Variants in IMMP2L observed in about 807,000 individuals in gnomAD.
IMMP2L encodes inner mitochondrial membrane peptidase subunit 2, also known as mitochondrial inner membrane protease subunit 2.
IMMP2L carries 18 observed loss-of-function variants against 19.3 expected under a neutral mutation model. The ratio of observed to expected loss-of-function variants is 0.93; its 90% CI spans 0.64 to 1.38. IMMP2L has a LOEUF of 1.38. IMMP2L is among the 40% of genes most tolerant of loss of function. IMMP2L has a pLI of 0.00. For missense variants in IMMP2L, 233 were observed against 218.2 expected (o/e 1.07, Z -0.43); for synonymous variants, 76 against 73.0 (o/e 1.04, Z -0.21).
chr7:111,259,938 C>T (rs932506242), intron 3 of IMMP2L, among the ~76,000 whole-genome samples: 1 of 152,040 alleles, frequency 6.6e-6, no homozygotes, highest in Non-Finnish European at 1.5e-5. Context: ...CTGTCTTCTA[C>T]CTCCACATCT....
At chr7:111,055,323 G>A (rs1203412618) in intron 3 of IMMP2L, among the ~76,000 whole-genome samples, 9 of 152,112 alleles carry the variant, frequency 5.9e-5, no homozygotes, top group East Asian at 1.9e-4. Flanking sequence ...GATTATAGGC[G>A]TGAGCCACCA....
At chr7:111,441,720 TAAAA>T (rs11312650) in intron 3 of IMMP2L, among the ~76,000 whole-genome samples, 1 of 138,276 alleles carries the variant, frequency 7.2e-6, no homozygotes. Context: ...TTCAACTTGT[TAAAA>T]AAAAAAAAAA....
At chr7:111,385,881 G>C (rs6956330) in intron 3 of IMMP2L, among the ~76,000 whole-genome samples, 7,307 of 151,984 alleles carry the variant, frequency 0.048, 260 homozygotes, top group South Asian at 0.083. Context: ...CAGTAAGGCG[G>C]GGTGAAGGAA....
At chr7:111,546,689 T>A (rs751501718) in intron 1 of IMMP2L, among the ~76,000 whole-genome samples, 71 of 152,154 alleles carry the variant, frequency 4.7e-4, no homozygotes, top group Non-Finnish European at 9.3e-4. Flanking sequence ...CAAAGGTCAA[T>A]TCAAGTTGAT....
intron 2 of IMMP2L, among the ~76,000 whole-genome samples, chr7:111,496,339 T>A (rs1843589875): frequency 6.6e-6 from 1 of 152,172 alleles, no homozygotes; most frequent in African/African-American, 2.4e-5. Context: ...TCCTTTTATA[T>A]CATGGGTACT....
At chr7:111,408,614 T>G (rs76467183) in intron 3 of IMMP2L, among the ~76,000 whole-genome samples, 2,435 of 151,866 alleles carry the variant, frequency 0.016, 106 homozygotes, top group African/African-American at 0.054. Flanking sequence ...CTTTTTCATA[T>G]GAAAGTTCAG....
chr7:110,792,247 T>C (rs1800508524), intron 5 of IMMP2L, among the ~76,000 whole-genome samples: 1 of 151,682 alleles, frequency 6.6e-6, no homozygotes, highest in African/African-American at 2.4e-5. Context: ...TTTTCTTACA[T>C]GAAAAGGGAT....
At position 110,941,172 on chromosome 7, in the gene IMMP2L, A is replaced by G. The variant is rs888331395; in HGVS notation, c.305+22328T>C. Among the ~76,000 whole-genome samples the G allele has an allele frequency of 2.0e-5, 3 of 152,210 alleles. No individual in the cohort carries two copies. In the South Asian group the frequency reaches 6.2e-4, roughly 31 times the overall value. ...TTCGCATCTCCAGCATAAGTAAAACATATTTTTATCCAGAAACCTACTGGG... is the reference window on the plus strand; with the variant it reads ...TTCGCATCTCCAGCATAAGTAAAACGTATTTTTATCCAGAAACCTACTGGG... On this transcript the variant is annotated intron_variant, in intron 4 of 5. Coordinates refer to ENST00000405709, the MANE Select transcript of IMMP2L (RefSeq NM_032549.4).
chr7:110,999,610 A>T (rs1823440226), intron 3 of IMMP2L, among the ~76,000 whole-genome samples: 2 of 151,114 alleles, frequency 1.3e-5, no homozygotes, highest in African/African-American at 2.4e-5. Flanking sequence ...CGATGAATAA[A>T]AAAAAAAAAA....
intron 3 of IMMP2L, among the ~76,000 whole-genome samples, chr7:111,071,071 C>T (rs1383796940): frequency 1.3e-5 from 2 of 151,956 alleles, no homozygotes; most frequent in Non-Finnish European, 2.9e-5. Flanking sequence ...CTTGAACAGA[C>T]ATTTATTGAA....
chr7:111,118,422 G>C (rs1177304969), intron 3 of IMMP2L, among the ~76,000 whole-genome samples: 1 of 151,982 alleles, frequency 6.6e-6, no homozygotes, highest in Non-Finnish European at 1.5e-5. Flanking sequence ...CAAATTATAA[G>C]TGTCCACAGG....
intron 2 of IMMP2L, among the ~76,000 whole-genome samples, chr7:111,491,824 C>G (rs1303218906): frequency 2.0e-5 from 3 of 151,998 alleles, no homozygotes; most frequent in Non-Finnish European, 2.9e-5. Flanking sequence ...TAAAGGTGAC[C>G]TGGAGGGAGA....
intron 3 of IMMP2L, among the ~76,000 whole-genome samples, chr7:111,170,434 C>G (rs1806306186): frequency 6.6e-6 from 1 of 151,850 alleles, no homozygotes; most frequent in Admixed American, 6.6e-5. Context: ...AACATAAAAT[C>G]CAAAAACACA....
At chr7:110,790,744 G>A (rs1368120531) in intron 5 of IMMP2L, among the ~76,000 whole-genome samples, 1 of 151,638 alleles carries the variant, frequency 6.6e-6, no homozygotes, top group Non-Finnish European at 1.5e-5. Context: ...CGGCAAGCAA[G>A]TCCCAGAGCA....
At chr7:111,034,875 T>A (rs1248751402) in intron 3 of IMMP2L, among the ~76,000 whole-genome samples, 1 of 152,118 alleles carries the variant, frequency 6.6e-6, no homozygotes, top group Non-Finnish European at 1.5e-5. Context: ...CAACAATACT[T>A]AATACTTAGT....
At chr7:110,984,194 A>G (rs1295212058) in intron 3 of IMMP2L, among the ~76,000 whole-genome samples, 1 of 152,028 alleles carries the variant, frequency 6.6e-6, no homozygotes, top group Non-Finnish European at 1.5e-5. Flanking sequence ...TCTGGTTTAG[A>G]AAGAAACAGA....
chr7:111,526,013 C>A lies in IMMP2L; in HGVS notation c.-2-4564G>T, dbSNP rs931454143. 2.0e-5 allele frequency among the ~76,000 whole-genome samples: 3 copies of A among 151,510 alleles called. No homozygotes were observed. In the East Asian group the frequency reaches 5.8e-4, roughly 29 times the overall value. Reference sequence around the variant, plus strand: ...CACCCCCAAAAAATGGCATTTGAGGCAAGACCTCGGCATTTCAGGTAAAAG... The same window carrying A: ...CACCCCCAAAAAATGGCATTTGAGGAAAGACCTCGGCATTTCAGGTAAAAG... On this transcript the variant is annotated intron_variant, in intron 1 of 5. Transcript: ENST00000405709.
chr7:111,459,598 T>G (rs972909352), intron 3 of IMMP2L, among the ~76,000 whole-genome samples: 1 of 152,108 alleles, frequency 6.6e-6, no homozygotes, highest in Admixed American at 6.6e-5. Context: ...AGCAATGAAA[T>G]ACAAGCAAAA....
chr7:111,033,722 C>T (rs10224583), intron 3 of IMMP2L, among the ~76,000 whole-genome samples: 22,432 of 152,116 alleles, frequency 0.15, 1,776 homozygotes, highest in South Asian at 0.26. Flanking sequence ...GAGGAAGCTA[C>T]ATACTATGTA....
Sources: gnomAD v4.1 joint callset for allele counts (sites outside exome capture counted in the v4.1 genomes callset) on GRCh38, gnomAD v4.1.1 for gene constraint, MANE v1.5 for transcripts, NCBI Gene and HGNC (gene_info 2026-07-23, HGNC 2026-07-21) for gene names.